Variants in RIC8A observed in about 807,000 individuals in gnomAD.
RIC8A encodes RIC8 guanine nucleotide exchange factor A, also known as chaperone Ric-8A.
Under a neutral mutation model 48.4 loss-of-function variants are expected in RIC8A, and 37 were observed. The observed-to-expected ratio is 0.77, with a 90% CI of 0.59 to 1.01. RIC8A has a LOEUF of 1.01. Among genes scored for constraint, RIC8A ranks in the 50% least tolerant of loss-of-function variants. The pLI is 0.00. For missense variants in RIC8A, 681 were observed against 696.8 expected, an observed-to-expected ratio of 0.98 and a Z score of 0.25; for synonymous variants, 288 against 283.4, an observed-to-expected ratio of 1.02 and a Z score of -0.16.
Position 209,276 on chromosome 11 carries a change from C to T in RIC8A, c.90C>T (p.Ser30=). The T allele has an allele frequency of 6.2e-7, 1 of 1,614,124 alleles. No homozygotes were observed. The highest frequency in any genetic ancestry group is 8.5e-7 in the Non-Finnish European group (1 of 1,179,988). ...TTCACTAGTTCTCTCTGCAGCACTC[C>T]CAGAGCTTCACGTTTGATGATGCCC... ...EALRSYNQEH[S]QSFTFDDAQQ... Residue 30 remains serine, a synonymous_variant, in exon 2 of 10, where the codon TCC becomes TCT. Transcript: ENST00000526104.
At chr11:212,167 C>T (rs865846889) in intron 5 of RIC8A, 19 of 514,556 alleles carry the variant, frequency 3.7e-5, no homozygotes, top group Non-Finnish European at 6.7e-5. Context: ...AGTTATTTCT[C>T]CCAAGTCACA....
Position 211,343 on chromosome 11 carries a change from G to A in RIC8A, c.963G>A (p.Leu321=). 1 of 1,613,450 alleles carries A rather than the reference G, an allele frequency of 6.2e-7. No homozygotes were observed. Among genetic ancestry groups the A allele is most frequent in the South Asian group, 1.1e-5 (1 of 91,012 alleles). The change falls in exon 5 of 10, where the codon TTG becomes TTA. Residue 321 remains leucine, a synonymous_variant. Transcript: ENST00000526104. This position sits in a 1 kb window ranked among gnomAD's most constrained non-coding sequence, Gnocchi z 4.0. ...TCCTCATCTTCCTAGAGAAGCGTTT[G>A]CACAAGGTAGGCTGGGGATGGCTGT... The part of the protein sequence containing the change: ...RALLIFLEKR[L]HKTHRLKESV...
chr11:211,373 G>C lies in RIC8A; in HGVS notation c.969+24G>C, dbSNP rs1398282474. 1.1e-5 allele frequency: 17 copies of C among 1,607,448 alleles called. No homozygotes were observed. Among genetic ancestry groups the C allele is most frequent in the Non-Finnish European group, 1.2e-5 (14 of 1,176,460 alleles). On this transcript the variant is annotated intron_variant, in intron 5 of 9. Transcript: ENST00000526104. This position sits in a 1 kb window ranked among gnomAD's most constrained non-coding sequence, Gnocchi z 4.0. ...AGGTAGGCTGGGGATGGCTGTGCAG[G>C]CTCCCCCAGTGGCTCTGGCACTGGT...
Position 209,955 on chromosome 11 carries a change from G to T in RIC8A, c.681G>T (p.Val227=). Residue 227 remains valine (V), a synonymous_variant, in exon 3 of 10, where the codon GTG becomes GTT. Transcript: ENST00000526104. The part of the protein sequence containing the change: ...ETERAMEILK[V]LFNITLDSIK... ...AGCGGGCCATGGAGATCCTCAAAGT[G>T]CTCTTCAACATCACCCTGGACTCCA... is the stretch of plus-strand genomic sequence containing the variant. 1 of 1,600,192 alleles carries T rather than the reference G, an allele frequency of 6.2e-7. No individual in the cohort carries two copies.
In RIC8A at chr11:211,236, T is replaced by C. The variant is rs1241983725; in HGVS notation, c.856T>C (p.Cys286Arg). ...CCTCCTGGGGAACTTGCCCCTCAAG[T>C]GTCTGGATGTTCTCCTCACCCTGGA... ...VNLLGNLPLK[C>R]LDVLLTLEPH... Residue 286 changes from cysteine to arginine, a missense_variant, in exon 5 of 10, where the codon TGT becomes CGT. Coordinates refer to ENST00000526104, the MANE Select transcript of RIC8A (RefSeq NM_001286134.2). This position sits in a 1 kb window ranked among gnomAD's most constrained non-coding sequence, Gnocchi z 4.0. The C allele has an allele frequency of 2.5e-6, 4 of 1,613,950 alleles. No individual in the cohort carries two copies. The highest frequency in any genetic ancestry group is 3.4e-6 in the Non-Finnish European group (4 of 1,179,912).
Position 214,320 on chromosome 11 carries a change from C to G in RIC8A, c.1566C>G (p.Leu522=). 1 of 1,610,684 alleles carries G rather than the reference C, an allele frequency of 6.2e-7. No homozygotes were observed. The highest frequency in any genetic ancestry group is 1.1e-5 in the South Asian group (1 of 90,238). Residue 522 remains leucine (L), a synonymous_variant, in exon 10 of 10, where the codon CTC becomes CTG. Coordinates refer to ENST00000526104, the MANE Select transcript of RIC8A (RefSeq NM_001286134.2). ...DAMCETMEQQ[L]SSDPDSDPD ...TGTGCGAGACTATGGAGCAGCAGCT[C>G]TCCTCGGACCCTGACTCGGACCCTG... is the stretch of plus-strand genomic sequence containing the variant.
Position 212,479 on chromosome 11 carries a change from C to T in RIC8A, c.1033C>T (p.His345Tyr), listed in dbSNP as rs114566333. Reference protein sequence around the residue: ...LSVLTECARMHRPARKFLKAQ... With the variant: ...LSVLTECARMYRPARKFLKAQ... ...CGTGCTGACTGAATGTGCCCGGATG[C>T]ACCGCCCAGCCAGGAAGTTCCTGAA... The change falls in exon 6 of 10, where the codon CAC becomes TAC. Residue 345 changes from histidine (H) to tyrosine (Y), a missense_variant. Coordinates refer to ENST00000526104, the MANE Select transcript of RIC8A (RefSeq NM_001286134.2). The T allele has an allele frequency of 8.0e-4, 1,296 of 1,613,922 alleles. 5 individuals carry two copies. In the Admixed American group the frequency reaches 0.013, roughly 16 times the overall value.
intron 9 of RIC8A, chr11:213,770 C>A: frequency 4.0e-6 from 1 of 248,650 alleles, no homozygotes. Flanking sequence ...TGGTGAAACC[C>A]CATCTCTGCT....
In RIC8A at chr11:213,351, G is replaced by A; in HGVS notation, c.1408G>A (p.Gly470Ser). 1 of 1,613,396 alleles carries A rather than the reference G, an allele frequency of 6.2e-7. No homozygotes were observed. The highest frequency in any genetic ancestry group is 1.1e-5 in the South Asian group (1 of 90,920). The stretch of plus-strand genomic sequence containing the variant: ...GGAGAAGCCGCCTAACCCTATGGAG[G>A]GCATGACAGAGGAGCAGAAGGAGCA... ...VEEKPPNPME[G>S]MTEEQKEHEA... Residue 470 changes from glycine to serine, a missense_variant, in exon 9 of 10, where the codon GGC becomes AGC. By Grantham distance (56) the Gly-to-Ser change is moderately conservative (BLOSUM62 0). Coordinates refer to ENST00000526104, the MANE Select transcript of RIC8A (RefSeq NM_001286134.2).
Position 208,807 on chromosome 11 carries a change from G to C in RIC8A, c.-48G>C. 7 of 1,523,178 alleles carry C rather than the reference G, an allele frequency of 4.6e-6. No homozygotes were observed. Among genetic ancestry groups the C allele is most frequent in the Non-Finnish European group, 6.3e-6 (7 of 1,118,624 alleles). 94.4% of individuals were successfully genotyped at this position (1,523,178 alleles called of 1,614,324 possible). On this transcript the variant is annotated 5_prime_UTR_variant, in exon 1 of 10. Coordinates refer to ENST00000526104, the MANE Select transcript of RIC8A (RefSeq NM_001286134.2). This position sits in a 1 kb window ranked among gnomAD's most constrained non-coding sequence, Gnocchi z 4.8. ...GGCCAGGGCGGGGCCGGCGAACTGC[G>C]GCCCGGAACGGCTGAGGAAGGGCCC... is the stretch of plus-strand genomic sequence containing the variant.
Position 209,389 on chromosome 11 carries a change from T to C in RIC8A, c.133-18T>C. 2 of 1,600,360 alleles carry C rather than the reference T, an allele frequency of 1.2e-6. No individual in the cohort carries two copies. Among genetic ancestry groups the C allele is most frequent in the Non-Finnish European group, 1.7e-6 (2 of 1,170,416 alleles). ...AGGAAGAAGGGCCTGGTGGAGCCGC[T>C]CTTCTCCCTGCCCACAGAGACTGGC... On this transcript the variant is annotated intron_variant, in intron 2 of 9. Transcript: ENST00000526104.
Position 212,089 on chromosome 11 carries a change from T to A in RIC8A, c.970-327T>A, listed in dbSNP as rs1590076411. On this transcript the variant is annotated intron_variant, in intron 5 of 9. Transcript: ENST00000526104. ...TCTGAGGGCAATGTGTGTGCGAGTC[T>A]AAAGCTTTAATTGCTTTGTGTTTTC... is the stretch of plus-strand genomic sequence containing the variant. 8.8e-6 allele frequency: 3 copies of A among 341,238 alleles called. No individual in the cohort carries two copies. The East Asian group carries it at 2.0e-4, about 23-fold the overall frequency. The allele number at this position is 341,238 out of a possible 1,614,324, so 21.1% of individuals were successfully genotyped here.
intron 3 of RIC8A, 65 bp downstream of exon 3, chr11:210,065 C>T: frequency 7.3e-7 from 1 of 1,364,596 alleles, no homozygotes; most frequent in Non-Finnish European, 9.9e-7. Flanking sequence ...GGACCTGCTT[C>T]CTACTGGGTA....
rs1439090621 is a variant in RIC8A, at chr11:207,987, G to A, written c.-868G>A. On this transcript the variant is annotated 5_prime_UTR_variant, in exon 1 of 10. Transcript: ENST00000526104. ...AGACTGGGAGGCGGCGCGGGGACTG[G>A]GGGCCGTAGACGCCTTTGCTCCCGG... is the stretch of plus-strand genomic sequence containing the variant. The A allele has an allele frequency of 6.6e-6, 1 of 152,390 alleles. No individual in the cohort carries two copies. The highest frequency in any genetic ancestry group is 1.9e-4 in the East Asian group (1 of 5,202). 9.4% of individuals were successfully genotyped at this position (152,390 alleles called of 1,614,324 possible). A position where few individuals can be genotyped will look rare whatever the true frequency, so the allele number is the denominator to read the frequency against.
chr11:209,769 G>C lies in RIC8A; in HGVS notation c.495G>C (p.Leu165Phe). Residue 165 changes from leucine to phenylalanine, a missense_variant, in exon 3 of 10, where the codon TTG (leucine) becomes TTC (phenylalanine). Physicochemically the swap from Leu to Phe is conservative, Grantham distance 22. Transcript: ENST00000526104. ...CCCACGATGTCCAGTTCTTTGACTT[G>C]CGGCTCCTCTTCCTGCTAACGGCAC... ...SFPHDVQFFDLRLLFLLTALR... is the reference protein window; with the variant it reads ...SFPHDVQFFDFRLLFLLTALR... 6.2e-7 allele frequency: 1 copy of C among 1,614,088 alleles called. No individual in the cohort carries two copies. Among genetic ancestry groups the C allele is most frequent in the Non-Finnish European group, 8.5e-7 (1 of 1,180,022 alleles).
chr11:208,933 C>G lies in RIC8A; in HGVS notation c.79C>G (p.Gln27Glu). ...VIMEALRSYN[Q>E]EHSQSFTFDD... is the part of the protein sequence containing the mutation. ...TATGGAAGCTCTGCGGTCATACAAC[C>G]AGGAGGTAAGCGGCCGCCTGAGGCC... is the stretch of plus-strand genomic sequence containing the variant. Residue 27 changes from glutamine (Q) to glutamate (E), a missense_variant, in exon 1 of 10, where the codon CAG becomes GAG. Transcript: ENST00000526104. The surrounding 1 kb of genome is among the most constrained non-coding windows in gnomAD (Gnocchi z 4.8). 1 of 1,607,484 alleles carries G rather than the reference C, an allele frequency of 6.2e-7. No individual in the cohort carries two copies. The highest frequency in any genetic ancestry group is 8.5e-7 in the Non-Finnish European group (1 of 1,177,828).
chr11:208,868 C>T lies in RIC8A; in HGVS notation c.14C>T (p.Ala5Val), dbSNP rs774936642. Residue 5 changes from alanine (A) to valine (V), a missense_variant, in exon 1 of 10, where the codon GCG (alanine) becomes GTG (valine). Ala to Val is a moderately conservative substitution (Grantham distance 64). Coordinates refer to ENST00000526104, the MANE Select transcript of RIC8A (RefSeq NM_001286134.2). The surrounding 1 kb of genome is among the most constrained non-coding windows in gnomAD (Gnocchi z 4.8). The part of the protein sequence containing the change: MEPR[A>V]VAEAVETGEE... ...CCCCGGCGCGCCATGGAGCCCCGGGCGGTTGCAGAAGCCGTGGAGACGGGT... is the reference window on the plus strand; with the variant it reads ...CCCCGGCGCGCCATGGAGCCCCGGGTGGTTGCAGAAGCCGTGGAGACGGGT... The T allele has an allele frequency of 2.2e-5, 36 of 1,608,836 alleles. No homozygotes were observed. The highest frequency in any genetic ancestry group is 3.1e-5 in the Non-Finnish European group (36 of 1,178,224).
rs2293168 is a variant in RIC8A at position 211,482 on chromosome 11, C to T, written c.969+133C>T. The stretch of plus-strand genomic sequence containing the variant: ...TCTTGGTGGTGTGATATGGGCGACT[C>T]TTCCGGTTGTTCTGTGGTCCAGCCT... On this transcript the variant is annotated intron_variant, in intron 5 of 9. Coordinates refer to ENST00000526104, the MANE Select transcript of RIC8A (RefSeq NM_001286134.2). This position sits in a 1 kb window ranked among gnomAD's most constrained non-coding sequence, Gnocchi z 4.0. The T allele has an allele frequency of 0.06, 59,144 of 993,170 alleles. 5,032 individuals are homozygous for T. Among genetic ancestry groups the T allele is most frequent in the East Asian group, 0.41 (15,059 of 37,024 alleles). 61.5% of individuals were successfully genotyped at this position (993,170 alleles called of 1,614,324 possible).
chr11:208,563 T>C lies in RIC8A; in HGVS notation c.-292T>C. The stretch of plus-strand genomic sequence containing the variant: ...CGGTGGGGGCTGAGATCGTTTCCTG[T>C]TGGAACTTCTGGCCCAAGAAGCGCG... On this transcript the variant is annotated 5_prime_UTR_variant, in exon 1 of 10. Coordinates refer to ENST00000526104, the MANE Select transcript of RIC8A (RefSeq NM_001286134.2). The surrounding 1 kb of genome is among the most constrained non-coding windows in gnomAD (Gnocchi z 4.8). 6.2e-6 allele frequency: 2 copies of C among 323,472 alleles called. No homozygotes were observed. Among genetic ancestry groups the C allele is most frequent in the Non-Finnish European group, 1.1e-5 (2 of 178,616 alleles). The allele number at this position is 323,472 out of a possible 1,614,324, so 20.0% of individuals were successfully genotyped here.
Sources: allele counts gnomAD v4.1 joint callset, GRCh38; gene constraint gnomAD v4.1.1; non-coding constraint Gnocchi (gnomAD v3.1); transcripts MANE v1.5; gene names NCBI Gene and HGNC (gene_info 2026-07-23, HGNC 2026-07-21).